The following PRRX1 variants were observed in gnomAD, a reference collection of about 807,000 sequenced individuals.
The protein encoded by PRRX1 is paired mesoderm homeobox protein 1.
PRRX1 carries 8 observed loss-of-function variants against 24.0 expected under a neutral mutation model. The ratio of observed to expected loss-of-function variants is 0.33; its 90% CI spans 0.20 to 0.60. The LOEUF (loss-of-function observed/expected upper bound fraction) is 0.60, where lower values mean the gene tolerates loss of function less well. Among genes scored for constraint, PRRX1 ranks in the 20% least tolerant of loss-of-function variants. The pLI is 0.82. For synonymous variants in PRRX1, 160 were observed against 131.7 expected, an observed-to-expected ratio of 1.22 and a Z score of -1.47; for missense variants, 281 against 322.4, an observed-to-expected ratio of 0.87 and a Z score of 0.98.
intron 1 of PRRX1, among the ~76,000 whole-genome samples, chr1:170,707,591 C>G (rs1378433072): frequency 6.6e-6 from 1 of 152,130 alleles, no homozygotes; most frequent in East Asian, 1.9e-4. Context: ...TCTCCTGAGT[C>G]TATGAAATTT....
chr1:170,682,349 T>C lies in PRRX1; in HGVS notation c.241+17890T>C, dbSNP rs1653578223. ...ATTATCACACTGCATGGCTTAAGAATGCCAGTAAGGTTTTGGTGCCTCAGT... is the reference window on the plus strand; with the variant it reads ...ATTATCACACTGCATGGCTTAAGAACGCCAGTAAGGTTTTGGTGCCTCAGT... On this transcript the variant is annotated intron_variant, in intron 1 of 3. Coordinates refer to ENST00000239461, the MANE Select transcript of PRRX1 (RefSeq NM_022716.4). 2.0e-5 allele frequency among the ~76,000 whole-genome samples: 3 copies of C among 150,702 alleles called. 1 individual carries two copies. The South Asian group carries it at 6.3e-4, about 32-fold the overall frequency.
intron 1 of PRRX1, among the ~76,000 whole-genome samples, chr1:170,708,715 C>T (rs55960892): frequency 0.03 from 4,635 of 152,212 alleles, 240 homozygotes; most frequent in African/African-American, 0.1. Context: ...AGGTTTAGGG[C>T]TCTATTCTAC....
chr1:170,717,177 C>A (rs1462710856), intron 1 of PRRX1, among the ~76,000 whole-genome samples: 3 of 152,202 alleles, frequency 2.0e-5, no homozygotes, highest in African/African-American at 7.2e-5. Context: ...AGAACATTCA[C>A]TGGGAAACTT....
At chr1:170,734,199 T>C (rs1430941099) in intron 3 of PRRX1, among the ~76,000 whole-genome samples, 1 of 150,820 alleles carries the variant, frequency 6.6e-6, no homozygotes, top group East Asian at 2.0e-4. Flanking sequence ...GACCAGTTCC[T>C]ATGAATAAAA....
intron 1 of PRRX1, among the ~76,000 whole-genome samples, chr1:170,673,724 G>A (rs1296382576): frequency 2.0e-5 from 3 of 152,178 alleles, no homozygotes; most frequent in African/African-American, 7.2e-5. Flanking sequence ...AGCTTTCCCT[G>A]TTTTCCTATA....
At chr1:170,715,437 AT>A (rs1654876332) in intron 1 of PRRX1, among the ~76,000 whole-genome samples, 2 of 152,180 alleles carry the variant, frequency 1.3e-5, no homozygotes, top group African/African-American at 2.4e-5. Context: ...TTGAACCATA[AT>A]TTTTAAAAAG....
At chr1:170,663,213 A>G (rs1652786680), upstream of PRRX1, 1 of 152,192 alleles carries the variant, frequency 6.6e-6, no homozygotes, top group African/African-American at 2.4e-5. Flanking sequence ...TGTGATGGAG[A>G]AAGGGGGTCT....
intron 1 of PRRX1, among the ~76,000 whole-genome samples, chr1:170,695,703 G>A (rs1207298612): frequency 6.6e-6 from 1 of 152,096 alleles, no homozygotes; most frequent in Non-Finnish European, 1.5e-5. Context: ...CAACAAATCT[G>A]TAAAGAGTCC....
At chr1:170,722,959 AG>A (rs1381886414) in intron 2 of PRRX1, among the ~76,000 whole-genome samples, 6 of 152,188 alleles carry the variant, frequency 3.9e-5, no homozygotes, top group Non-Finnish European at 8.8e-5. Context: ...GGAGCTCTAG[AG>A]GGCCAGTGTA....
upstream of PRRX1, chr1:170,663,532 T>C (rs1652799990): frequency 6.6e-6 from 1 of 151,826 alleles, no homozygotes; most frequent in African/African-American, 2.4e-5. Context: ...AAAAGTAAAG[T>C]GAGAATCCTG....
intron 1 of PRRX1, among the ~76,000 whole-genome samples, chr1:170,705,700 A>T (rs1654534960): frequency 6.6e-6 from 1 of 152,186 alleles, no homozygotes; most frequent in Non-Finnish European, 1.5e-5. Flanking sequence ...AAAGTGAGCT[A>T]GCAGATACAG....
intron 1 of PRRX1, among the ~76,000 whole-genome samples, chr1:170,717,834 T>A (rs1571342797): frequency 6.6e-6 from 1 of 152,336 alleles, no homozygotes; most frequent in African/African-American, 2.4e-5. Context: ...CTAGTGCTGA[T>A]CTTATTGCAA....
At chr1:170,690,751 G>A (rs904021750) in intron 1 of PRRX1, among the ~76,000 whole-genome samples, 9 of 152,050 alleles carry the variant, frequency 5.9e-5, no homozygotes, top group African/African-American at 1.9e-4. Context: ...CCTGAATTAT[G>A]TACCAGAGAG....
At chr1:170,676,593 C>T (rs1158935025) in intron 1 of PRRX1, among the ~76,000 whole-genome samples, 3 of 152,046 alleles carry the variant, frequency 2.0e-5, no homozygotes, top group Non-Finnish European at 4.4e-5. Context: ...CATAAAACTG[C>T]TTCACAAACT....
At chr1:170,666,957 G>A (rs1033225964) in intron 1 of PRRX1, among the ~76,000 whole-genome samples, 6 of 152,110 alleles carry the variant, frequency 3.9e-5, no homozygotes, top group Admixed American at 3.9e-4. Context: ...TGAGACCTGA[G>A]CCTGGCGCCT....
chr1:170,694,540 C>T lies in PRRX1; in HGVS notation c.242-25186C>T, dbSNP rs114692162. Among the ~76,000 whole-genome samples, 472 of 152,138 alleles carry T rather than the reference C, an allele frequency of 3.1e-3. 5 individuals carry two copies. The highest frequency in any genetic ancestry group is 0.01 in the African/African-American group (429 of 41,516). On this transcript the variant is annotated intron_variant, in intron 1 of 3. Transcript: ENST00000239461. ...TTTGCTTATTCAAAAGCTAGTCACA[C>T]GGGTTGAGAAGTATGAGGGTACTTA...
At chr1:170,704,419 G>T (rs144297268) in intron 1 of PRRX1, among the ~76,000 whole-genome samples, 1 of 152,066 alleles carries the variant, frequency 6.6e-6, no homozygotes, top group Non-Finnish European at 1.5e-5. Flanking sequence ...TTAACTTTTG[G>T]CATGAGACCA....
intron 3 of PRRX1, chr1:170,730,223 G>T: frequency 7.0e-7 from 1 of 1,438,342 alleles, no homozygotes; most frequent in South Asian, 1.1e-5. Context: ...GGTGCTGCCT[G>T]ACATCTGCTG....
chr1:170,710,603 T>C (rs559507838), intron 1 of PRRX1, among the ~76,000 whole-genome samples: 1 of 152,198 alleles, frequency 6.6e-6, no homozygotes, highest in Non-Finnish European at 1.5e-5. Flanking sequence ...AATGTTTACA[T>C]CCTCCCCAAA....
Sources: allele counts gnomAD v4.1 joint callset (sites outside exome capture counted in the v4.1 genomes callset), GRCh38; gene constraint gnomAD v4.1.1; transcripts MANE v1.5; gene names NCBI Gene and HGNC (gene_info 2026-07-23, HGNC 2026-07-21).